The following MORC1 variants were observed in gnomAD, a reference collection of about 807,000 sequenced individuals.
MORC1 encodes MORC family CW-type zinc finger protein 1.
Under a neutral mutation model 134.9 loss-of-function variants are expected in MORC1, and 59 were observed. That is an observed-to-expected ratio of 0.44 (90% confidence interval 0.35 to 0.54). The LOEUF (loss-of-function observed/expected upper bound fraction) is 0.54, where lower values mean the gene tolerates loss of function less well. MORC1 is among the 20% of genes least tolerant of loss of function. The pLI is 0.00. For missense variants in MORC1, 947 were observed against 1,134.5 expected (o/e 0.83, Z 2.37); for synonymous variants, 395 against 391.7 (o/e 1.01, Z -0.10).
At position 109,005,608 on chromosome 3, in the gene MORC1, G is replaced by A. The variant is rs896261871; in HGVS notation, c.1768-293C>T. The stretch of plus-strand genomic sequence containing the variant: ...TCTGACTTTCCCCCAATAGAGGTTC[G>A]CTTGCCTTTGGCTCCCCGCTGCAAA... On this transcript the variant is annotated intron_variant, in intron 18 of 27. Transcript: ENST00000232603. 9.2e-5 allele frequency among the ~76,000 whole-genome samples: 14 copies of A among 152,216 alleles called. No individual in the cohort carries two copies. The East Asian group carries it at 1.7e-3, about 19-fold the overall frequency.
At chr3:109,076,923 C>G (rs1301365167) in intron 8 of MORC1, among the ~76,000 whole-genome samples, 2 of 148,508 alleles carry the variant, frequency 1.3e-5, no homozygotes, top group African/African-American at 5.0e-5. Flanking sequence ...ATGTGTATAC[C>G]TATGTAACAA....
intron 17 of MORC1, among the ~76,000 whole-genome samples, chr3:109,009,773 A>G (rs1948639487): frequency 1.3e-5 from 2 of 152,048 alleles, no homozygotes; most frequent in African/African-American, 4.8e-5. Flanking sequence ...CTTACTGTTG[A>G]CTATTCTGGG....
At chr3:109,040,485 A>AAAGAAAGAAAGAAAGAAAG (rs61499269) in intron 14 of MORC1, among the ~76,000 whole-genome samples, 1 of 114,530 alleles carries the variant, frequency 8.7e-6, no homozygotes, top group African/African-American at 3.1e-5. Flanking sequence ...AGAAAGAAAG[A>AAAGAAAGAAAGAAAGAAAG]AAGGAAAGAA....
chr3:109,103,900 G>A lies in MORC1; in HGVS notation c.172C>T (p.Gln58Ter). The A allele has an allele frequency of 6.2e-7, 1 of 1,613,848 alleles. No individual in the cohort carries two copies. The highest frequency in any genetic ancestry group is 2.2e-5 in the East Asian group (1 of 44,862). Residue 58 changes from glutamine to a stop codon, truncating the protein, a stop_gained, in exon 4 of 28, where the codon CAG becomes TAG. Coordinates refer to ENST00000232603, the MANE Select transcript of MORC1 (RefSeq NM_014429.4). LOFTEE classifies it high-confidence loss of function. ...AGGAAACACAACATGAATCCCCCCT[G>A]CAGTTTTTCATTATCCACTGTAAGA... ...DVFSVDNEKLQGGFMLCFLDD... is the reference protein window; with the variant it reads ...DVFSVDNEKL
rs75353833 is a variant in MORC1, at chr3:109,006,376, T to G, written c.1767+653A>C. Among the ~76,000 whole-genome samples, 1,026 of 152,318 alleles carry G rather than the reference T, an allele frequency of 6.7e-3. 49 individuals are homozygous for G. Among genetic ancestry groups the G allele is most frequent in the Admixed American group, 0.06 (916 of 15,288 alleles). On this transcript the variant is annotated intron_variant, in intron 18 of 27. Coordinates refer to ENST00000232603, the MANE Select transcript of MORC1 (RefSeq NM_014429.4). ...ACAAACACAAACTAAGAAGATAGCA[T>G]GGAAACAACTGTTCCAATATTTAAA... is the stretch of plus-strand genomic sequence containing the variant.
chr3:109,090,706 G>A (rs186815339), intron 8 of MORC1, among the ~76,000 whole-genome samples: 2 of 151,378 alleles, frequency 1.3e-5, no homozygotes, highest in Non-Finnish European at 2.9e-5. Context: ...TCTTCCCTGA[G>A]GCCAATACGG....
At chr3:109,075,788 T>A (rs1950409316) in intron 8 of MORC1, among the ~76,000 whole-genome samples, 1 of 144,624 alleles carries the variant, frequency 6.9e-6, no homozygotes, top group Non-Finnish European at 1.5e-5. Context: ...GGCTCTTTTT[T>A]TGGTTCCATA....
At chr3:109,112,446 A>G (rs927712638) in intron 2 of MORC1, among the ~76,000 whole-genome samples, 2 of 152,256 alleles carry the variant, frequency 1.3e-5, no homozygotes, top group African/African-American at 4.8e-5. Flanking sequence ...AGACCAACTC[A>G]GTATCTTAAG....
intron 14 of MORC1, among the ~76,000 whole-genome samples, chr3:109,038,065 TA>T (rs1949421187): frequency 6.6e-6 from 1 of 152,212 alleles, no homozygotes; most frequent in South Asian, 2.1e-4. Flanking sequence ...ACCAACAGTG[TA>T]AAAGCATTCC....
At chr3:109,035,696 TA>T (rs1186001704) in intron 14 of MORC1, among the ~76,000 whole-genome samples, 1 of 152,154 alleles carries the variant, frequency 6.6e-6, no homozygotes, top group East Asian at 1.9e-4. Context: ...TTATATGCAG[TA>T]AATCTGCAAT....
intron 17 of MORC1, among the ~76,000 whole-genome samples, chr3:109,024,711 T>A (rs1299672249): frequency 1.3e-5 from 2 of 152,180 alleles, no homozygotes; most frequent in African/African-American, 4.8e-5. Context: ...AAATAATAAT[T>A]ACATGGCATA....
At chr3:109,049,263 T>C (rs1949765048) in intron 14 of MORC1, 3 of 355,634 alleles carry the variant, frequency 8.4e-6, no homozygotes, top group African/African-American at 4.4e-5. Context: ...ACTACAGCAT[T>C]GTCTATGTTT....
chr3:109,067,184 T>G (rs114305354), intron 9 of MORC1, among the ~76,000 whole-genome samples: 13 of 152,186 alleles, frequency 8.5e-5, no homozygotes, highest in African/African-American at 2.9e-4. Context: ...CCCAACTCAT[T>G]TGGGCTCCTT....
At chr3:109,107,878 C>CA (rs1951072418) in intron 3 of MORC1, among the ~76,000 whole-genome samples, 1 of 152,050 alleles carries the variant, frequency 6.6e-6, no homozygotes, top group Non-Finnish European at 1.5e-5. Context: ...CAGTTTTTCA[C>CA]AAAATATACA....
chr3:109,056,377 G>A (rs750058920), intron 13 of MORC1, among the ~76,000 whole-genome samples: 6 of 151,992 alleles, frequency 3.9e-5, no homozygotes, highest in Admixed American at 1.3e-4. Context: ...ACAGGTGCCC[G>A]CCACCACACC....
chr3:109,014,737 A>C (rs1948776341), intron 17 of MORC1, among the ~76,000 whole-genome samples: 1 of 152,210 alleles, frequency 6.6e-6, no homozygotes, highest in Non-Finnish European at 1.5e-5. Flanking sequence ...TGAGTAAATA[A>C]AAATTTTATA....
chr3:108,984,253 T>C (rs1273480578), intron 23 of MORC1, among the ~76,000 whole-genome samples: 2 of 152,186 alleles, frequency 1.3e-5, no homozygotes, highest in East Asian at 1.9e-4. Flanking sequence ...TTTAATTCTA[T>C]TGGATATCCA....
intron 8 of MORC1, among the ~76,000 whole-genome samples, chr3:109,086,207 G>A (rs1352395805): frequency 6.6e-6 from 1 of 151,822 alleles, no homozygotes; most frequent in East Asian, 1.9e-4. Context: ...AATCATCTGT[G>A]GTACAATTCA....
At chr3:109,108,919 A>G (rs1951098297) in intron 3 of MORC1, among the ~76,000 whole-genome samples, 1 of 146,670 alleles carries the variant, frequency 6.8e-6, no homozygotes, top group Non-Finnish European at 1.5e-5. Context: ...AAAAAAAAAG[A>G]CCACATGTCT....
Sources: gnomAD v4.1 joint callset for allele counts (sites outside exome capture counted in the v4.1 genomes callset) on GRCh38, gnomAD v4.1.1 for gene constraint, MANE v1.5 for transcripts, NCBI Gene and HGNC (gene_info 2026-07-23, HGNC 2026-07-21) for gene names.